The following TMEM132D variants were observed in gnomAD, a reference collection of about 807,000 sequenced individuals.
The protein encoded by TMEM132D is mature OL transmembrane protein.
TMEM132D carries 21 observed loss-of-function variants against 62.3 expected under a neutral mutation model. That is an observed-to-expected ratio of 0.34 (90% CI 0.24 to 0.49). TMEM132D has a LOEUF of 0.49. Among genes scored for constraint, TMEM132D ranks in the 20% least tolerant of loss-of-function variants. TMEM132D has a pLI of 0.99. For missense variants in TMEM132D, 1,346 were observed against 1,402.8 expected (o/e 0.96, Z 0.65); for synonymous variants, 621 against 575.6 (o/e 1.08, Z -1.13).
intron 1 of TMEM132D, among the ~76,000 whole-genome samples, chr12:129,716,261 T>G (rs1291856171): frequency 1.3e-5 from 2 of 152,074 alleles, no homozygotes; most frequent in African/African-American, 4.8e-5. Context: ...TGGCCCAATC[T>G]CCTGTATGCA....
Position 129,388,063 on chromosome 12 carries a change from G to A in TMEM132D, c.1116-50246C>T, listed in dbSNP as rs557152501. 1.6e-3 allele frequency among the ~76,000 whole-genome samples: 171 copies of A among 109,886 alleles called. 6 individuals carry two copies. The highest frequency in any genetic ancestry group is 5.6e-3 in the African/African-American group (160 of 28,812). 72.1% of individuals were successfully genotyped at this position (109,886 alleles called of 152,430 possible). A position where few individuals can be genotyped will look rare whatever the true frequency, so the allele number is the denominator to read the frequency against. ...CTGATAATAATATGAACACTAACAC[G>A]AGTCCTAATATAGACACTAACAGCA... On this transcript the variant is annotated intron_variant, in intron 3 of 8. Coordinates refer to ENST00000422113, the MANE Select transcript of TMEM132D (RefSeq NM_133448.3).
intron 5 of TMEM132D, among the ~76,000 whole-genome samples, chr12:129,092,814 A>G (rs1593258149): frequency 1.3e-5 from 2 of 152,188 alleles, no homozygotes; most frequent in East Asian, 1.9e-4. Context: ...CTTAATCCTC[A>G]CAACATATCT....
chr12:129,242,969 G>T (rs940159870), intron 4 of TMEM132D, among the ~76,000 whole-genome samples: 2 of 152,222 alleles, frequency 1.3e-5, no homozygotes. Context: ...TCAGGCTGCG[G>T]GCTGCCTGCT....
At chr12:129,870,267 G>C (rs906280995) in intron 1 of TMEM132D, among the ~76,000 whole-genome samples, 2 of 152,252 alleles carry the variant, frequency 1.3e-5, no homozygotes, top group African/African-American at 4.8e-5. Flanking sequence ...ACAGGCATGA[G>C]CCACCATGCC....
At chr12:129,480,500 T>C (rs538501351) in intron 3 of TMEM132D, among the ~76,000 whole-genome samples, 1 of 152,172 alleles carries the variant, frequency 6.6e-6, no homozygotes, top group African/African-American at 2.4e-5. Context: ...TGATGCTCTG[T>C]GAATGAGCAA....
chr12:129,744,939 T>A (rs1434269110), intron 1 of TMEM132D, among the ~76,000 whole-genome samples: 1 of 152,076 alleles, frequency 6.6e-6, no homozygotes, highest in Non-Finnish European at 1.5e-5. Flanking sequence ...TGGGAGGTGA[T>A]TGGATCATGG....
intron 2 of TMEM132D, among the ~76,000 whole-genome samples, chr12:129,631,231 G>T (rs975320254): frequency 8.5e-5 from 13 of 152,276 alleles, no homozygotes; most frequent in Admixed American, 2.0e-4. Flanking sequence ...CAGCGCTACT[G>T]CGTCTTTCTC....
At chr12:129,121,519 G>C (rs567688255) in intron 5 of TMEM132D, among the ~76,000 whole-genome samples, 2 of 152,332 alleles carry the variant, frequency 1.3e-5, no homozygotes, top group South Asian at 4.1e-4. Flanking sequence ...GATGGATGCA[G>C]AGTAGGAGTG....
intron 4 of TMEM132D, among the ~76,000 whole-genome samples, chr12:129,309,587 G>A (rs6486448): frequency 0.4 from 60,111 of 152,020 alleles, 13,621 homozygotes; most frequent in Non-Finnish European, 0.51. Flanking sequence ...AACCCCACCC[G>A]GATCACTCAG....
chr12:129,403,138 C>A (rs113481535), intron 3 of TMEM132D, among the ~76,000 whole-genome samples: 2,354 of 151,644 alleles, frequency 0.016, 70 homozygotes, highest in African/African-American at 0.053. Context: ...TATTCTTCAT[C>A]TGGAACTTTC....
intron 4 of TMEM132D, among the ~76,000 whole-genome samples, chr12:129,256,346 G>A (rs1381894092): frequency 6.6e-6 from 1 of 152,250 alleles, no homozygotes; most frequent in African/African-American, 2.4e-5. Flanking sequence ...GCACTTGAGT[G>A]ATATAGTTGT....
At chr12:129,472,932 T>A (rs147582961) in intron 3 of TMEM132D, among the ~76,000 whole-genome samples, 1 of 152,098 alleles carries the variant, frequency 6.6e-6, no homozygotes, top group African/African-American at 2.4e-5. Flanking sequence ...TGGCCTGATC[T>A]CGGCTCACTG....
chr12:129,825,229 G>C (rs1312151259), intron 1 of TMEM132D, among the ~76,000 whole-genome samples: 1 of 151,618 alleles, frequency 6.6e-6, no homozygotes, highest in African/African-American at 2.4e-5. Flanking sequence ...TGTTGGCCAG[G>C]CTGGTCTTGA....
chr12:129,555,012 C>T (rs1467672164), intron 2 of TMEM132D, among the ~76,000 whole-genome samples: 1 of 152,192 alleles, frequency 6.6e-6, no homozygotes, highest in Non-Finnish European at 1.5e-5. Context: ...AACATATTCT[C>T]CCCAGCTATT....
intron 5 of TMEM132D, among the ~76,000 whole-genome samples, chr12:129,202,592 C>A (rs1878735918): frequency 6.6e-6 from 1 of 152,182 alleles, no homozygotes; most frequent in African/African-American, 2.4e-5. Flanking sequence ...CTGAAGCCTG[C>A]ATCTCATTGG....
intron 3 of TMEM132D, among the ~76,000 whole-genome samples, chr12:129,530,673 A>G (rs1876190791): frequency 6.6e-6 from 1 of 152,360 alleles, no homozygotes; most frequent in Middle Eastern, 3.4e-3. Flanking sequence ...CCGTGTGAAG[A>G]GAGACGTATA....
intron 1 of TMEM132D, among the ~76,000 whole-genome samples, chr12:129,726,507 G>A (rs1869042920): frequency 6.6e-6 from 1 of 152,110 alleles, no homozygotes; most frequent in African/African-American, 2.4e-5. Context: ...AGGGGAGATG[G>A]GGTCAGAGAC....
At chr12:129,546,587 G>A (rs1876742295) in intron 2 of TMEM132D, among the ~76,000 whole-genome samples, 1 of 152,034 alleles carries the variant, frequency 6.6e-6, no homozygotes, top group Non-Finnish European at 1.5e-5. Context: ...GGATCACAAG[G>A]TCAGGAGTTC....
At chr12:129,586,514 G>T (rs1025091273) in intron 2 of TMEM132D, among the ~76,000 whole-genome samples, 3 of 152,158 alleles carry the variant, frequency 2.0e-5, no homozygotes, top group African/African-American at 7.2e-5. Context: ...AGATCAGGGT[G>T]CCAGCGTGGT....
Sources: allele counts gnomAD v4.1 joint callset (sites outside exome capture counted in the v4.1 genomes callset), GRCh38; gene constraint gnomAD v4.1.1; transcripts MANE v1.5; gene names NCBI Gene and HGNC (gene_info 2026-07-23, HGNC 2026-07-21).